The following MAGI2 variants were observed in gnomAD, a reference collection of about 807,000 sequenced individuals.
The protein encoded by MAGI2 is membrane associated guanylate kinase, WW and PDZ domain containing 2, also known as membrane-associated guanylate kinase, WW and PDZ domain-containing protein 2.
MAGI2 carries 35 observed loss-of-function variants against 133.3 expected under a neutral mutation model. The ratio of observed to expected loss-of-function variants is 0.26; its 90% CI spans 0.20 to 0.35. MAGI2 has a LOEUF of 0.35. MAGI2 is among the 10% of genes least tolerant of loss of function. The pLI is 1.00. For synonymous variants in MAGI2, 729 were observed against 710.6 expected, an observed-to-expected ratio of 1.03 and a Z score of -0.41; for missense variants, 1,636 against 1,863.4, an observed-to-expected ratio of 0.88 and a Z score of 2.25.
At chr7:79,000,537 A>G (rs1806755490) in intron 2 of MAGI2, among the ~76,000 whole-genome samples, 1 of 152,152 alleles carries the variant, frequency 6.6e-6, no homozygotes, top group African/African-American at 2.4e-5. Flanking sequence ...CCTCACTCTA[A>G]CAGTCCTCTG....
At chr7:78,147,938 A>G (rs1823480514) in intron 16 of MAGI2, among the ~76,000 whole-genome samples, 1 of 152,136 alleles carries the variant, frequency 6.6e-6, no homozygotes, top group African/African-American at 2.4e-5. Flanking sequence ...AAGTACTCAC[A>G]AGGATAGGAA....
At chr7:78,540,874 G>C (rs1584555658) in intron 3 of MAGI2, among the ~76,000 whole-genome samples, 1 of 152,104 alleles carries the variant, frequency 6.6e-6, no homozygotes, top group African/African-American at 2.4e-5. Context: ...TGGATTTTCG[G>C]GTTCCCCAGC....
intron 3 of MAGI2, among the ~76,000 whole-genome samples, chr7:78,580,668 C>G (rs1474913125): frequency 6.6e-6 from 1 of 152,188 alleles, no homozygotes; most frequent in Non-Finnish European, 1.5e-5. Flanking sequence ...GCAAATGACT[C>G]TCAAAGTACT....
At chr7:78,108,640 GTA>G (rs1475521729) in intron 20 of MAGI2, among the ~76,000 whole-genome samples, 26 of 71,446 alleles carry the variant, frequency 3.6e-4, no homozygotes, top group African/African-American at 1.2e-3. Flanking sequence ...CTCTCTCTCT[GTA>G]TGTGTGTGTG....
chr7:79,166,312 C>T (rs1328756882), intron 1 of MAGI2, among the ~76,000 whole-genome samples: 1 of 152,016 alleles, frequency 6.6e-6, no homozygotes, highest in Non-Finnish European at 1.5e-5. Context: ...GAGAGATTGT[C>T]CTCTAGCTTC....
chr7:78,111,966 C>G (rs1819409455), intron 20 of MAGI2, among the ~76,000 whole-genome samples: 1 of 152,168 alleles, frequency 6.6e-6, no homozygotes, highest in Admixed American at 6.6e-5. Context: ...TCTACCTGAG[C>G]CCATACAATT....
chr7:78,626,763 A>G (rs1280088371), intron 3 of MAGI2, among the ~76,000 whole-genome samples: 10 of 152,006 alleles, frequency 6.6e-5, no homozygotes, highest in Non-Finnish European at 1.5e-4. Flanking sequence ...ACATCTTGAG[A>G]TAAAGACGTT....
chr7:78,739,950 A>C (rs1822239663), intron 2 of MAGI2, among the ~76,000 whole-genome samples: 1 of 152,122 alleles, frequency 6.6e-6, no homozygotes, highest in Non-Finnish European at 1.5e-5. Context: ...CGACGTCAGG[A>C]GATCAAGACC....
At chr7:78,941,914 T>G (rs1801018703) in intron 2 of MAGI2, among the ~76,000 whole-genome samples, 1 of 152,076 alleles carries the variant, frequency 6.6e-6, no homozygotes, top group Non-Finnish European at 1.5e-5. Flanking sequence ...GGCATAAAAC[T>G]CATCTCCATC....
intron 14 of MAGI2, among the ~76,000 whole-genome samples, chr7:78,173,553 G>A (rs1826311105): frequency 6.6e-6 from 1 of 152,218 alleles, no homozygotes; most frequent in Admixed American, 6.5e-5. Context: ...AAGTATCATA[G>A]AAAGAATTAG....
intron 10 of MAGI2, among the ~76,000 whole-genome samples, chr7:78,249,032 AAAT>A (rs973525048): frequency 2.0e-5 from 3 of 152,120 alleles, no homozygotes; most frequent in South Asian, 2.1e-4. Flanking sequence ...AGCTAAAAAA[AAAT>A]AATAAAAAAA....
chr7:79,051,160 G>A (rs1812638241), intron 1 of MAGI2, among the ~76,000 whole-genome samples: 1 of 152,054 alleles, frequency 6.6e-6, no homozygotes, highest in Admixed American at 6.6e-5. Flanking sequence ...TGAGATACCT[G>A]GTCATAGAAT....
chr7:78,691,001 C>T (rs1236038616), intron 2 of MAGI2, among the ~76,000 whole-genome samples: 1 of 152,128 alleles, frequency 6.6e-6, no homozygotes, highest in Non-Finnish European at 1.5e-5. Context: ...TTACAATGGC[C>T]TTGACTTTTC....
At chr7:78,617,627 G>A (rs541509097) in intron 3 of MAGI2, 30 of 152,062 alleles carry the variant, frequency 2.0e-4, no homozygotes, top group African/African-American at 5.1e-4. Flanking sequence ...CATAAGCAGC[G>A]GAGTATTTTG....
intron 4 of MAGI2, among the ~76,000 whole-genome samples, chr7:78,502,736 C>T (rs1436677610): frequency 6.6e-6 from 1 of 152,078 alleles, no homozygotes; most frequent in Non-Finnish European, 1.5e-5. Flanking sequence ...CTAAGGGGAG[C>T]TACTGTACAA....
chr7:78,428,054 C>T (rs1180557922), intron 6 of MAGI2, among the ~76,000 whole-genome samples: 1 of 152,046 alleles, frequency 6.6e-6, no homozygotes, highest in Non-Finnish European at 1.5e-5. Context: ...TCCCAGAAAA[C>T]AGGAACGCAT....
At chr7:78,366,326 AT>A (rs1225559144) in intron 7 of MAGI2, among the ~76,000 whole-genome samples, 1 of 152,168 alleles carries the variant, frequency 6.6e-6, no homozygotes, top group Non-Finnish European at 1.5e-5. Flanking sequence ...TTTTATATTT[AT>A]AATACATATA....
intron 1 of MAGI2, among the ~76,000 whole-genome samples, chr7:79,288,435 C>T (rs1199640636): frequency 1.3e-5 from 2 of 151,932 alleles, no homozygotes; most frequent in Non-Finnish European, 2.9e-5. Context: ...TAAACATTTC[C>T]CTACTATTAC....
intron 17 of MAGI2, 56 bp downstream of exon 17, chr7:78,134,965 C>A: frequency 6.6e-7 from 1 of 1,515,192 alleles, no homozygotes; most frequent in Non-Finnish European, 9.1e-7. Context: ...TGAGAACACC[C>A]GGTGAGTGTG....
Sources: allele counts gnomAD v4.1 joint callset (sites outside exome capture counted in the v4.1 genomes callset), GRCh38; gene constraint gnomAD v4.1.1; transcripts MANE v1.5; gene names NCBI Gene and HGNC (gene_info 2026-07-23, HGNC 2026-07-21).